ALG5: variants seen among roughly 807,000 people sequenced by gnomAD.
The protein encoded by ALG5 is ALG5 dolichyl-phosphate beta-glucosyltransferase, also known as dolichyl-phosphate beta-glucosyltransferase.
A neutral mutation model predicts 51.8 loss-of-function variants in ALG5; 26 were observed. The ratio of observed to expected loss-of-function variants is 0.50; its 90% CI spans 0.37 to 0.70. The LOEUF (loss-of-function observed/expected upper bound fraction) is 0.70, where lower values mean the gene tolerates loss of function less well. Among genes scored for constraint, ALG5 ranks in the 30% least tolerant of loss-of-function variants. The pLI is 0.00. For synonymous variants in ALG5, 141 were observed against 136.1 expected (o/e 1.04, Z -0.25); for missense variants, 311 against 399.3 (o/e 0.78, Z 1.88).
At chr13:36,977,494 A>T (rs929264475) in intron 6 of ALG5, among the ~76,000 whole-genome samples, 1 of 152,028 alleles carries the variant, frequency 6.6e-6, no homozygotes, top group Admixed American at 6.6e-5. Flanking sequence ...ATCCCAACTC[A>T]TTTAAAAAAA....
intron 7 of ALG5, chr13:36,967,913 G>C (rs1022524006): frequency 1.5e-6 from 1 of 684,272 alleles, no homozygotes; most frequent in Admixed American, 3.1e-5. Flanking sequence ...AATGTGATTT[G>C]AGTGAGCTTA....
intron 6 of ALG5, among the ~76,000 whole-genome samples, chr13:36,977,891 A>AT (rs201741282): frequency 0.4 from 50,880 of 127,900 alleles, 10,071 homozygotes; most frequent in East Asian, 0.71. Context: ...CTTTCTCAGT[A>AT]TTTTTTTTTT....
At chr13:36,962,208 T>C (rs567179750) in intron 8 of ALG5, among the ~76,000 whole-genome samples, 2 of 152,270 alleles carry the variant, frequency 1.3e-5, no homozygotes, top group Admixed American at 6.5e-5. Context: ...TAAGAAAAAA[T>C]AGTCAAATGT....
intron 8 of ALG5, among the ~76,000 whole-genome samples, chr13:36,963,262 C>G (rs2058876452): frequency 1.3e-5 from 2 of 152,242 alleles, no homozygotes; most frequent in South Asian, 4.1e-4. Context: ...TTAAATGTGG[C>G]TAATAGAAAA....
chr13:36,980,847 G>T (rs979943569), intron 6 of ALG5, among the ~76,000 whole-genome samples: 16 of 151,950 alleles, frequency 1.1e-4, no homozygotes, highest in Non-Finnish European at 1.8e-4. Context: ...GGTGGTGCGT[G>T]CCTGTAATTC....
intron 6 of ALG5, among the ~76,000 whole-genome samples, chr13:36,985,207 T>C (rs1053379268): frequency 2.6e-5 from 4 of 152,112 alleles, no homozygotes; most frequent in African/African-American, 9.7e-5. Flanking sequence ...AGTTATGGTG[T>C]GAAGTTTCAA....
intron 6 of ALG5, among the ~76,000 whole-genome samples, chr13:36,973,288 T>C (rs2058934981): frequency 6.6e-6 from 1 of 152,124 alleles, no homozygotes; most frequent in South Asian, 2.1e-4. Flanking sequence ...GACAAATCCA[T>C]GGACAATTCC....
chr13:36,982,635 C>A (rs2058985058), intron 6 of ALG5, among the ~76,000 whole-genome samples: 1 of 152,174 alleles, frequency 6.6e-6, no homozygotes, highest in Admixed American at 6.5e-5. Flanking sequence ...AAGAAGATTT[C>A]TTCTAATTTC....
intron 2 of ALG5, 109 bp from the exon 3 acceptor site, chr13:36,995,144 G>T: frequency 1.1e-6 from 1 of 948,644 alleles, no homozygotes; most frequent in Non-Finnish European, 1.6e-6. Context: ...AGCCCCTCTG[G>T]TACTTTCCCA....
chr13:36,971,956 T>C, intron 7 of ALG5, 21 bp downstream of exon 7: 1 of 1,586,974 alleles, frequency 6.3e-7, no homozygotes. Flanking sequence ...GGCTGTCCCA[T>C]GCCAATTAAT....
chr13:36,993,374 G>A (rs2059033955), intron 4 of ALG5, among the ~76,000 whole-genome samples: 1 of 152,320 alleles, frequency 6.6e-6, no homozygotes, highest in South Asian at 2.1e-4. Flanking sequence ...AAGGCCAGGA[G>A]GAACTGTGCG....
intron 8 of ALG5, among the ~76,000 whole-genome samples, chr13:36,964,801 T>C (rs2058884645): frequency 6.6e-6 from 1 of 152,016 alleles, no homozygotes; most frequent in African/African-American, 2.4e-5. Context: ...AGCGCCCACC[T>C]GTAATCCCAG....
chr13:36,998,895 T>G, intron 1 of ALG5: 1 of 239,956 alleles, frequency 4.2e-6, no homozygotes, highest in South Asian at 1.3e-4. Flanking sequence ...TCCCGGAGAG[T>G]CTGGGAGAGG....
At chr13:36,961,179 G>A (rs1317833050) in intron 8 of ALG5, among the ~76,000 whole-genome samples, 1 of 152,076 alleles carries the variant, frequency 6.6e-6, no homozygotes, top group Non-Finnish European at 1.5e-5. Flanking sequence ...ACTTTGGGAG[G>A]CTGAGGTGGG....
chr13:36,969,239 T>A (rs2058909583), intron 7 of ALG5, among the ~76,000 whole-genome samples: 1 of 152,090 alleles, frequency 6.6e-6, no homozygotes, highest in Non-Finnish European at 1.5e-5. Flanking sequence ...GTGAAAAGAA[T>A]TTACACCATG....
chr13:36,999,083 C>T lies in ALG5; in HGVS notation c.66+152G>A, dbSNP rs915034096. On this transcript the variant is annotated intron_variant, in intron 1 of 9. Coordinates refer to ENST00000239891, the MANE Select transcript of ALG5 (RefSeq NM_013338.5). ...ACCGAAGAAAAGGAGAGTGAAACTC[C>T]AGGAAACTCCGAGGTCAGGAATTTG... The T allele has an allele frequency of 5.5e-6, 3 of 547,340 alleles. No individual in the cohort carries two copies. In the African/African-American group the frequency reaches 5.9e-5, roughly 11 times the overall value. The allele number at this position is 547,340 out of a possible 1,614,324, so 33.9% of individuals were successfully genotyped here. A position where few individuals can be genotyped will look rare whatever the true frequency, so the allele number is the denominator to read the frequency against.
In ALG5 at chr13:36,953,635, G is replaced by C. The variant is rs115379799; in HGVS notation, c.774-1036C>G. Among the ~76,000 whole-genome samples, 472 of 152,244 alleles carry C rather than the reference G, an allele frequency of 3.1e-3. 1 individual carries two copies. Among genetic ancestry groups the C allele is most frequent in the African/African-American group, 0.011 (458 of 41,542 alleles). On this transcript the variant is annotated intron_variant, in intron 8 of 9. Transcript: ENST00000239891. ...TGTAAAACATTATTAATACAGACAA[G>C]AAAATGCCTAAAGTCCACTTATATT...
chr13:36,999,364 A>C, upstream of ALG5: 1 of 1,397,544 alleles, frequency 7.2e-7, no homozygotes, highest in Non-Finnish European at 9.3e-7. Flanking sequence ...CGCCCGCGCG[A>C]CCCGGCCCCG....
chr13:36,994,080 CTTTTT>C (rs2059037813), intron 3 of ALG5, among the ~76,000 whole-genome samples: 1 of 152,148 alleles, frequency 6.6e-6, no homozygotes, highest in South Asian at 2.1e-4. Context: ...GGCAACTTAA[CTTTTT>C]GGGCCTATTT....
Sources: gnomAD v4.1 joint callset for allele counts (sites outside exome capture counted in the v4.1 genomes callset) on GRCh38, gnomAD v4.1.1 for gene constraint, MANE v1.5 for transcripts, NCBI Gene and HGNC (gene_info 2026-07-23, HGNC 2026-07-21) for gene names.